The following LRFN2 variants were observed in gnomAD, a reference collection of about 807,000 sequenced individuals.
The protein encoded by LRFN2 is leucine rich repeat and fibronectin type III domain containing 2, also known as leucine-rich repeat and fibronectin type-III domain-containing protein 2.
A neutral mutation model predicts 37.3 loss-of-function variants in LRFN2; 18 were observed. That is an observed-to-expected ratio of 0.48 (90% CI 0.33 to 0.72). LRFN2 has a LOEUF of 0.72. Among genes scored for constraint, LRFN2 ranks in the 30% least tolerant of loss-of-function variants. LRFN2 has a pLI of 0.02. For missense variants in LRFN2, 1,006 were observed against 1,060.7 expected, an observed-to-expected ratio of 0.95 and a Z score of 0.72; for synonymous variants, 556 against 466.6, an observed-to-expected ratio of 1.19 and a Z score of -2.47.
At chr6:40,406,874 G>T (rs903027427) in intron 2 of LRFN2, among the ~76,000 whole-genome samples, 1 of 152,138 alleles carries the variant, frequency 6.6e-6, no homozygotes, top group Non-Finnish European at 1.5e-5. Flanking sequence ...AGGCTGCCCC[G>T]TCTGATCATA....
intron 1 of LRFN2, among the ~76,000 whole-genome samples, chr6:40,447,053 G>A (rs975320604): frequency 1.3e-5 from 2 of 151,584 alleles, no homozygotes; most frequent in Non-Finnish European, 2.9e-5. Flanking sequence ...CTGAGGATGG[G>A]GCTGTGCCTC....
intron 2 of LRFN2, among the ~76,000 whole-genome samples, chr6:40,405,661 A>G (rs1240293382): frequency 2.0e-5 from 3 of 152,124 alleles, no homozygotes; most frequent in Non-Finnish European, 4.4e-5. Flanking sequence ...GCAGTGCCTG[A>G]CCCTGGCTGG....
chr6:40,392,136 A>T lies in LRFN2; in HGVS notation c.2177T>A (p.Met726Lys). ...CGCCGCCGCAGCAGCAAAGTCCCCC[A>T]TGTCGAAGGAGTGGCTGCGTTTGGC... is the stretch of plus-strand genomic sequence containing the variant. Reference protein sequence around the residue: ...GKAKRSHSFDMGDFAAAAAGG... With the variant: ...GKAKRSHSFDKGDFAAAAAGG... Residue 726 changes from methionine (M) to lysine (K), a missense_variant, in exon 3 of 3, where the codon ATG (methionine) becomes AAG (lysine). Coordinates refer to ENST00000338305, the MANE Select transcript of LRFN2 (RefSeq NM_020737.3). The surrounding 1 kb of genome is among the most constrained non-coding windows in gnomAD (Gnocchi z 4.7). 2.5e-6 allele frequency: 4 copies of T among 1,611,720 alleles called. No individual in the cohort carries two copies. The highest frequency in any genetic ancestry group is 3.4e-6 in the Non-Finnish European group (4 of 1,178,964).
chr6:40,455,144 C>G (rs1486769008), intron 1 of LRFN2, among the ~76,000 whole-genome samples: 3 of 152,172 alleles, frequency 2.0e-5, no homozygotes, highest in Non-Finnish European at 4.4e-5. Context: ...TACCTCTTGA[C>G]TGTTTCCCTT....
chr6:40,570,065 G>T (rs1767160479), intron 1 of LRFN2, among the ~76,000 whole-genome samples: 1 of 152,074 alleles, frequency 6.6e-6, no homozygotes, highest in African/African-American at 2.4e-5. Flanking sequence ...AAACATCAAT[G>T]GCCTGGCAAC....
At chr6:40,430,969 G>A (rs542355764) in intron 2 of LRFN2, among the ~76,000 whole-genome samples, 2 of 152,218 alleles carry the variant, frequency 1.3e-5, no homozygotes, top group Admixed American at 1.3e-4. Context: ...CCAACCCAGA[G>A]AAAAATAGAA....
chr6:40,498,346 A>G (rs1236224548), intron 1 of LRFN2, among the ~76,000 whole-genome samples: 1 of 152,182 alleles, frequency 6.6e-6, no homozygotes, highest in Non-Finnish European at 1.5e-5. Flanking sequence ...GAAGGGGTCT[A>G]CAATTAACAC....
In LRFN2 at chr6:40,546,842, C is replaced by T. The variant is rs142244733; in HGVS notation, c.-19+40099G>A. 8.9e-3 allele frequency among the ~76,000 whole-genome samples: 1,360 copies of T among 152,242 alleles called. 14 individuals carry two copies. Among genetic ancestry groups the T allele is most frequent in the Non-Finnish European group, 9.4e-3 (637 of 68,022 alleles). On this transcript the variant is annotated intron_variant, in intron 1 of 2. Transcript: ENST00000338305. ...GGCCTAGAGGCAAGGAGTGAGTATGCGATAGAGTCAAGTTTGAGCTCAAGC... is the reference window on the plus strand; with the variant it reads ...GGCCTAGAGGCAAGGAGTGAGTATGTGATAGAGTCAAGTTTGAGCTCAAGC...
chr6:40,546,772 A>C (rs115444067), intron 1 of LRFN2, among the ~76,000 whole-genome samples: 4,838 of 152,308 alleles, frequency 0.032, 103 homozygotes, highest in Admixed American at 0.042. Context: ...AGATTTATCT[A>C]ATTTCTCAGA....
chr6:40,435,138 T>A lies in LRFN2; in HGVS notation c.-18-2007A>T, dbSNP rs183597547. Reference sequence around the variant, plus strand: ...ATATTTTATATATATATTATGTATTTTATATATATATATACAGAGAGAGAG... The same window carrying A: ...ATATTTTATATATATATTATGTATTATATATATATATATACAGAGAGAGAG... On this transcript the variant is annotated intron_variant, in intron 1 of 2. Transcript: ENST00000338305. Among the ~76,000 whole-genome samples, 457 of 116,856 alleles carry A rather than the reference T, an allele frequency of 3.9e-3. 3 individuals carry two copies. Among genetic ancestry groups the A allele is most frequent in the African/African-American group, 0.013 (393 of 29,144 alleles). 76.7% of individuals were successfully genotyped at this position (116,856 alleles called of 152,430 possible).
intron 2 of LRFN2, among the ~76,000 whole-genome samples, chr6:40,429,553 A>C (rs1202596629): frequency 6.6e-6 from 1 of 152,250 alleles, no homozygotes; most frequent in Admixed American, 6.5e-5. Flanking sequence ...ATTGGCAAAG[A>C]TGAAAGTAAT....
chr6:40,412,363 G>C (rs1327090570), intron 2 of LRFN2, among the ~76,000 whole-genome samples: 1 of 152,126 alleles, frequency 6.6e-6, no homozygotes, highest in Admixed American at 6.5e-5. Context: ...TAAGATTTTT[G>C]GTTTTTTAAA....
At chr6:40,465,282 A>G (rs994477960) in intron 1 of LRFN2, among the ~76,000 whole-genome samples, 4 of 152,202 alleles carry the variant, frequency 2.6e-5, no homozygotes, top group African/African-American at 9.7e-5. Flanking sequence ...AATGAGACCC[A>G]TTTTGAACTT....
chr6:40,555,176 C>T (rs577565563), intron 1 of LRFN2, among the ~76,000 whole-genome samples: 1 of 152,306 alleles, frequency 6.6e-6, no homozygotes, highest in South Asian at 2.1e-4. Flanking sequence ...CTCAGCACCC[C>T]GCAAGGGCAA....
At chr6:40,491,785 C>T (rs9471357) in intron 1 of LRFN2, among the ~76,000 whole-genome samples, 293 of 13,566 alleles carry the variant, frequency 0.022, 4 homozygotes, top group African/African-American at 0.087. Flanking sequence ...TCTATTTTGC[C>T]GTGTGACTGT....
intron 1 of LRFN2, among the ~76,000 whole-genome samples, chr6:40,444,737 G>A (rs577663052): frequency 6.6e-5 from 10 of 152,076 alleles, no homozygotes; most frequent in African/African-American, 2.4e-4. Context: ...TCCAGCCCTG[G>A]TTTGATTAAA....
At chr6:40,457,294 G>A (rs1445832738) in intron 1 of LRFN2, among the ~76,000 whole-genome samples, 1 of 151,990 alleles carries the variant, frequency 6.6e-6, no homozygotes, top group African/African-American at 2.4e-5. Flanking sequence ...TTGAAATATA[G>A]GTAAGCTGCT....
intron 2 of LRFN2, among the ~76,000 whole-genome samples, chr6:40,422,695 C>T (rs1048949025): frequency 6.6e-5 from 10 of 152,284 alleles, no homozygotes; most frequent in Non-Finnish European, 1.3e-4. Context: ...AGCATTGTCC[C>T]CAAGTCCCAG....
chr6:40,565,419 A>G (rs555267514), intron 1 of LRFN2, among the ~76,000 whole-genome samples: 1 of 152,344 alleles, frequency 6.6e-6, no homozygotes, highest in African/African-American at 2.4e-5. Context: ...AAGAGCCTGC[A>G]TTGCCAAGTC....
Sources: gnomAD v4.1 joint callset for allele counts (sites outside exome capture counted in the v4.1 genomes callset) on GRCh38, gnomAD v4.1.1 for gene constraint, Gnocchi (gnomAD v3.1) non-coding constraint, MANE v1.5 for transcripts, NCBI Gene and HGNC (gene_info 2026-07-23, HGNC 2026-07-21) for gene names.